SUGCT: variants seen among roughly 807,000 people sequenced by gnomAD.
SUGCT encodes succinyl-CoA:glutarate CoA-transferase.
A neutral mutation model predicts 55.0 loss-of-function variants in SUGCT; 41 were observed. The ratio of observed to expected loss-of-function variants is 0.74; its 90% confidence interval spans 0.58 to 0.97. The LOEUF (loss-of-function observed/expected upper bound fraction) is 0.97, where lower values mean the gene tolerates loss of function less well. SUGCT is among the 50% of genes least tolerant of loss of function. The pLI is 0.00. For synonymous variants in SUGCT, 187 were observed against 200.4 expected (o/e 0.93, Z 0.56); for missense variants, 568 against 547.8 (o/e 1.04, Z -0.37).
chr7:40,858,863 T>G (rs1794336916), intron 13 of SUGCT, among the ~76,000 whole-genome samples: 1 of 152,134 alleles, frequency 6.6e-6, no homozygotes, highest in African/African-American at 2.4e-5. Flanking sequence ...CCCTCTGTAG[T>G]GGATTAGATG....
intron 13 of SUGCT, among the ~76,000 whole-genome samples, chr7:40,853,959 T>C (rs1286625610): frequency 6.6e-6 from 1 of 152,226 alleles, no homozygotes; most frequent in East Asian, 1.9e-4. Context: ...CCATAGGGGA[T>C]ACAGGCATCT....
chr7:40,915,326 A>T, the SUGCT span, among the ~76,000 whole-genome samples: 1 of 152,158 alleles, frequency 6.6e-6, no homozygotes, highest in East Asian at 1.9e-4. Flanking sequence ...AATTTCAAGG[A>T]TCATGACTCA....
intron 12 of SUGCT, among the ~76,000 whole-genome samples, chr7:40,639,501 A>G (rs975034038): frequency 6.6e-6 from 1 of 150,392 alleles, no homozygotes; most frequent in African/African-American, 2.5e-5. Flanking sequence ...GTAATAATAT[A>G]TGCTTTTTCA....
the SUGCT span, among the ~76,000 whole-genome samples, chr7:40,913,008 ATTT>A: frequency 8.2e-6 from 1 of 121,578 alleles, no homozygotes. Context: ...GCTGGATCCA[ATTT>A]TTTTTTTTTT....
intron 13 of SUGCT, among the ~76,000 whole-genome samples, chr7:40,807,025 A>C (rs1241388994): frequency 1.3e-5 from 2 of 152,224 alleles, no homozygotes; most frequent in Non-Finnish European, 2.9e-5. Context: ...GAGTGAGTTC[A>C]TGCATGTAAA....
chr7:40,847,125 C>T lies in SUGCT; in HGVS notation c.1154-13191C>T, dbSNP rs891550777. On this transcript the variant is annotated intron_variant, in intron 13 of 13. Transcript: ENST00000335693. ...TGAGGAACTAGATTAATGAGTTTCT[C>T]CTCTAGTCCAGGCAAGTGGGTCTCT... Among the ~76,000 whole-genome samples, 8 of 152,154 alleles carry T rather than the reference C, an allele frequency of 5.3e-5. No individual in the cohort carries two copies. In the South Asian group the frequency reaches 6.2e-4, roughly 12 times the overall value.
chr7:40,136,407 C>T (rs753945505), intron 1 of SUGCT, among the ~76,000 whole-genome samples: 61 of 152,230 alleles, frequency 4.0e-4, no homozygotes, highest in Non-Finnish European at 7.6e-4. Flanking sequence ...TCCTCGCTGT[C>T]TCTTTGACAT....
At chr7:40,403,095 T>C (rs1045480351) in intron 9 of SUGCT, among the ~76,000 whole-genome samples, 61 of 152,226 alleles carry the variant, frequency 4.0e-4, no homozygotes, top group African/African-American at 1.4e-3. Context: ...CTATCTTTAT[T>C]CTTATATTTA....
intron 13 of SUGCT, among the ~76,000 whole-genome samples, chr7:40,779,013 G>GC (rs571258697): frequency 1.4e-3 from 219 of 152,282 alleles, no homozygotes; most frequent in African/African-American, 4.6e-3. Flanking sequence ...AGTGTTCTGA[G>GC]CAGAGACCCT....
intron 8 of SUGCT, among the ~76,000 whole-genome samples, chr7:40,309,307 T>TTG (rs1554306918): frequency 6.6e-5 from 10 of 151,756 alleles, no homozygotes; most frequent in Non-Finnish European, 1.2e-4. Flanking sequence ...AGTGTTTTTT[T>TTG]TTTGTTTGTT....
At chr7:40,482,653 C>T (rs1274778354) in intron 11 of SUGCT, among the ~76,000 whole-genome samples, 3 of 152,172 alleles carry the variant, frequency 2.0e-5, no homozygotes, top group Non-Finnish European at 4.4e-5. Context: ...TGTTTCCATT[C>T]ACACAGCTTA....
chr7:40,316,957 T>G (rs1201810494), intron 9 of SUGCT, 102 bp downstream of exon 9: 23 of 441,180 alleles, frequency 5.2e-5, no homozygotes, highest in African/African-American at 4.6e-4. Flanking sequence ...CTTCAGCTGT[T>G]TTTTTTTTTT....
intron 12 of SUGCT, among the ~76,000 whole-genome samples, chr7:40,578,452 G>A (rs73689825): frequency 0.014 from 2,110 of 152,174 alleles, 37 homozygotes; most frequent in African/African-American, 0.048. Context: ...TTTAAAAGCT[G>A]TCTAGGTGAT....
At chr7:40,938,653 T>A in the SUGCT span, among the ~76,000 whole-genome samples, 2 of 152,302 alleles carry the variant, frequency 1.3e-5, no homozygotes, top group East Asian at 3.9e-4. Flanking sequence ...ATATTAGATG[T>A]AATTAGATAT....
chr7:40,284,206 A>G (rs1584563197), intron 8 of SUGCT, among the ~76,000 whole-genome samples: 3 of 152,268 alleles, frequency 2.0e-5, no homozygotes, highest in South Asian at 2.1e-4. Context: ...GATGGGATGA[A>G]TAAGTTCTGG....
chr7:40,844,900 A>C (rs1793480891), intron 13 of SUGCT, among the ~76,000 whole-genome samples: 1 of 152,244 alleles, frequency 6.6e-6, no homozygotes, highest in Non-Finnish European at 1.5e-5. Flanking sequence ...TATGACATGT[A>C]AGAGAAAGAG....
chr7:40,408,372 G>A (rs76206723), intron 9 of SUGCT, among the ~76,000 whole-genome samples: 16,938 of 151,824 alleles, frequency 0.11, 1,388 homozygotes, highest in East Asian at 0.48. Context: ...GCAAACCGAA[G>A]GATTGACTTG....
At chr7:40,999,918 T>C in the SUGCT span, among the ~76,000 whole-genome samples, 1 of 152,216 alleles carries the variant, frequency 6.6e-6, no homozygotes, top group Non-Finnish European at 1.5e-5. Flanking sequence ...TAAAGGAAAC[T>C]TAAAACATTT....
At chr7:40,668,254 T>C (rs938795429) in intron 12 of SUGCT, among the ~76,000 whole-genome samples, 5 of 152,226 alleles carry the variant, frequency 3.3e-5, no homozygotes, top group African/African-American at 9.6e-5. Flanking sequence ...GTTCAGAATT[T>C]TAAAATTATT....
Sources: gnomAD v4.1 joint callset for allele counts (sites outside exome capture counted in the v4.1 genomes callset) on GRCh38, gnomAD v4.1.1 for gene constraint, MANE v1.5 for transcripts, NCBI Gene and HGNC (gene_info 2026-07-23, HGNC 2026-07-21) for gene names.